Variants in NLGN1 observed in about 807,000 individuals in gnomAD.
NLGN1 encodes neuroligin-1.
NLGN1 carries 12 observed loss-of-function variants against 65.5 expected under a neutral mutation model. That is an observed-to-expected ratio of 0.18 (90% confidence interval 0.12 to 0.30). The LOEUF (loss-of-function observed/expected upper bound fraction) is 0.30. NLGN1 is among the 10% of genes least tolerant of loss of function. NLGN1 has a pLI of 1.00. For missense variants in NLGN1, 750 were observed against 1,007.1 expected (o/e 0.74, Z 3.46); for synonymous variants, 350 against 359.5 (o/e 0.97, Z 0.30).
At chr3:174,027,991 G>A (rs1729187697) in intron 4 of NLGN1, among the ~76,000 whole-genome samples, 1 of 152,140 alleles carries the variant, frequency 6.6e-6, no homozygotes, top group African/African-American at 2.4e-5. Context: ...GAGATCTGAT[G>A]GTTTCATATT....
downstream of NLGN1, among the ~76,000 whole-genome samples, chr3:174,289,242 T>A (rs370001542): frequency 5.3e-5 from 8 of 151,574 alleles, no homozygotes; most frequent in East Asian, 5.9e-4. Context: ...AACTCCCACA[T>A]ACCACCCTCG....
At chr3:173,862,599 G>T (rs766228114) in intron 4 of NLGN1, among the ~76,000 whole-genome samples, 2 of 150,336 alleles carry the variant, frequency 1.3e-5, no homozygotes, top group Non-Finnish European at 3.0e-5. Flanking sequence ...TAGAGGGTAC[G>T]CATATATGTT....
At chr3:173,574,062 C>CAAAAAAA (rs1192427397) in intron 2 of NLGN1, among the ~76,000 whole-genome samples, 121 of 50,964 alleles carry the variant, frequency 2.4e-3, no homozygotes, top group Non-Finnish European at 3.2e-3. Flanking sequence ...GACTCCACCT[C>CAAAAAAA]AAAAAAAAAA....
chr3:173,914,156 A>T (rs1740240971), intron 4 of NLGN1, among the ~76,000 whole-genome samples: 1 of 152,108 alleles, frequency 6.6e-6, no homozygotes, highest in African/African-American at 2.4e-5. Flanking sequence ...TCTCTCTTTG[A>T]GGTCTCACCA....
chr3:173,743,180 T>C (rs756143711), intron 3 of NLGN1, among the ~76,000 whole-genome samples: 1 of 152,158 alleles, frequency 6.6e-6, no homozygotes, highest in Non-Finnish European at 1.5e-5. Context: ...ACTTCAGCAA[T>C]AGATGGTAAC....
intron 2 of NLGN1, among the ~76,000 whole-genome samples, chr3:173,559,038 T>A (rs1742196835): frequency 6.6e-6 from 1 of 152,198 alleles, no homozygotes; most frequent in Non-Finnish European, 1.5e-5. Context: ...CATCTATGAA[T>A]AGATGTACTA....
chr3:173,824,550 G>A (rs1055181720), intron 4 of NLGN1, among the ~76,000 whole-genome samples: 1 of 152,056 alleles, frequency 6.6e-6, no homozygotes, highest in Non-Finnish European at 1.5e-5. Flanking sequence ...GCCCTCAGGG[G>A]ACCGCATGTG....
At chr3:173,881,182 G>A (rs555146716) in intron 4 of NLGN1, among the ~76,000 whole-genome samples, 1 of 140,212 alleles carries the variant, frequency 7.1e-6, no homozygotes, top group Non-Finnish European at 1.5e-5. Context: ...CACTGCAACT[G>A]CCGCCTCCTG....
intron 3 of NLGN1, among the ~76,000 whole-genome samples, chr3:173,665,885 A>G (rs1761627033): frequency 2.0e-5 from 3 of 152,198 alleles, no homozygotes; most frequent in South Asian, 4.1e-4. Flanking sequence ...TTGGATTTGT[A>G]ATTGGTATTA....
chr3:173,850,520 T>C (rs141095181), intron 4 of NLGN1, among the ~76,000 whole-genome samples: 17 of 152,154 alleles, frequency 1.1e-4, no homozygotes, highest in African/African-American at 3.9e-4. Flanking sequence ...TTGGGGAGGG[T>C]AGTATTTTAT....
At chr3:173,761,100 G>A (rs994148) in intron 3 of NLGN1, among the ~76,000 whole-genome samples, 122,394 of 151,944 alleles carry the variant, frequency 0.81, 50,007 homozygotes, top group African/African-American at 0.86. Flanking sequence ...AAATGTTGAC[G>A]GCCGACTCAG....
chr3:173,861,490 G>C (rs886939170), intron 4 of NLGN1, among the ~76,000 whole-genome samples: 1 of 149,298 alleles, frequency 6.7e-6, no homozygotes, highest in Non-Finnish European at 1.5e-5. Context: ...ATATTGTTAA[G>C]AATTGCCAAT....
intron 2 of NLGN1, among the ~76,000 whole-genome samples, chr3:173,491,259 G>A (rs1042908754): frequency 6.6e-6 from 1 of 151,784 alleles, no homozygotes; most frequent in Non-Finnish European, 1.5e-5. Context: ...ATTATTTTGA[G>A]ATACGTCCCA....
intron 4 of NLGN1, among the ~76,000 whole-genome samples, chr3:173,922,147 A>T (rs1242342941): frequency 6.6e-6 from 1 of 152,144 alleles, no homozygotes; most frequent in Admixed American, 6.6e-5. Context: ...CATATTAACG[A>T]ATAATATAGA....
chr3:173,832,431 T>A (rs568307341), intron 4 of NLGN1, among the ~76,000 whole-genome samples: 3 of 152,372 alleles, frequency 2.0e-5, no homozygotes, highest in Admixed American at 6.5e-5. Context: ...TTCTTTTAAT[T>A]TCATGCCAAT....
intron 4 of NLGN1, among the ~76,000 whole-genome samples, chr3:174,017,936 A>G (rs551560599): frequency 2.6e-5 from 4 of 152,108 alleles, no homozygotes; most frequent in Non-Finnish European, 5.9e-5. Context: ...ACCAAAATTT[A>G]TTAGGTGGGA....
chr3:174,228,741 C>T (rs1264021572), intron 4 of NLGN1, among the ~76,000 whole-genome samples: 1 of 152,004 alleles, frequency 6.6e-6, no homozygotes, highest in African/African-American at 2.4e-5. Flanking sequence ...GTATTCCCTG[C>T]CCACAAACAA....
intron 4 of NLGN1, among the ~76,000 whole-genome samples, chr3:173,885,663 C>T (rs1315098355): frequency 6.6e-6 from 1 of 151,980 alleles, no homozygotes; most frequent in Non-Finnish European, 1.5e-5. Flanking sequence ...ATATTTATGT[C>T]ACCATAATCA....
intron 4 of NLGN1, among the ~76,000 whole-genome samples, chr3:174,201,308 G>C (rs1734416479): frequency 7.3e-6 from 1 of 136,390 alleles, no homozygotes; most frequent in African/African-American, 2.7e-5. Context: ...GAGGGAGGGA[G>C]GAAGGGAGGG....
Sources: gnomAD v4.1 joint callset for allele counts (sites outside exome capture counted in the v4.1 genomes callset) on GRCh38, gnomAD v4.1.1 for gene constraint, MANE v1.5 for transcripts, NCBI Gene and HGNC (gene_info 2026-07-23, HGNC 2026-07-21) for gene names.